The following ANO4 variants were observed in gnomAD, a reference collection of about 807,000 sequenced individuals.
The protein encoded by ANO4 is anoctamin-4.
ANO4 carries 69 observed loss-of-function variants against 141.9 expected under a neutral mutation model. That is an observed-to-expected ratio of 0.49 (90% CI 0.40 to 0.59). The LOEUF (loss-of-function observed/expected upper bound fraction) is 0.59. Ranked by LOEUF, ANO4 falls within the 20% of genes least tolerant of loss-of-function variation. The probability of loss-of-function intolerance (pLI) is 0.00; values close to 1 mark genes in which losing one functional copy is unlikely to be tolerated. For synonymous variants in ANO4, 350 were observed against 394.3 expected (o/e 0.89, Z 1.33); for missense variants, 894 against 1,162.2 (o/e 0.77, Z 3.36).
intron 1 of ANO4, among the ~76,000 whole-genome samples, chr12:100,722,135 G>A (rs940734813): frequency 1.3e-5 from 2 of 152,100 alleles, no homozygotes; most frequent in Non-Finnish European, 2.9e-5. Context: ...ATCAACTCCT[G>A]CTCCTAGCCA....
chr12:101,038,226 G>A (rs1239215984), intron 10 of ANO4, among the ~76,000 whole-genome samples: 1 of 152,198 alleles, frequency 6.6e-6, no homozygotes, highest in Non-Finnish European at 1.5e-5. Flanking sequence ...GCCATACGCA[G>A]GTGTTTCTGA....
chr12:100,983,560 A>ACTGAGATCTC, intron 7 of ANO4, among the ~76,000 whole-genome samples: 1 of 152,202 alleles, frequency 6.6e-6, no homozygotes, highest in Middle Eastern at 3.4e-3. Context: ...TAATCATAGG[A>ACTGAGATCTC]CTGAGATCTC....
intron 4 of ANO4, among the ~76,000 whole-genome samples, chr12:100,941,980 T>TTATTATTAG (rs1455438738): frequency 6.8e-6 from 1 of 148,120 alleles, no homozygotes; most frequent in African/African-American, 2.5e-5. Flanking sequence ...ATTATTATTA[T>TTATTATTAG]TATTATTATT....
chr12:100,994,221 G>T (rs1474534294), intron 8 of ANO4, among the ~76,000 whole-genome samples: 1 of 152,064 alleles, frequency 6.6e-6, no homozygotes, highest in African/African-American at 2.4e-5. Context: ...CACCCTTTAG[G>T]CAGGGCCACC....
intron 3 of ANO4, among the ~76,000 whole-genome samples, chr12:100,786,919 A>T (rs1212557138): frequency 6.6e-6 from 1 of 152,220 alleles, no homozygotes; most frequent in Non-Finnish European, 1.5e-5. Flanking sequence ...CTACAGATAT[A>T]CACTGAGGAT....
chr12:101,025,045 G>A (rs1462442136), intron 9 of ANO4, among the ~76,000 whole-genome samples: 1 of 152,128 alleles, frequency 6.6e-6, no homozygotes, highest in Admixed American at 6.5e-5. Flanking sequence ...CTCCTTTGAG[G>A]TGTATTTTAG....
At chr12:101,070,253 C>T (rs1236484884) in intron 14 of ANO4, among the ~76,000 whole-genome samples, 1 of 152,040 alleles carries the variant, frequency 6.6e-6, no homozygotes, top group Admixed American at 6.6e-5. Flanking sequence ...ATCACATTAC[C>T]TGACCTCAAA....
intron 1 of ANO4, chr12:100,885,534 C>T (rs1368961969): frequency 6.6e-6 from 1 of 152,248 alleles, no homozygotes; most frequent in African/African-American, 2.4e-5. Context: ...GCCTCATAAA[C>T]ATGACCTTTG....
chr12:101,060,876 T>A (rs1325386582), intron 14 of ANO4, among the ~76,000 whole-genome samples: 1 of 152,228 alleles, frequency 6.6e-6, no homozygotes, highest in Non-Finnish European at 1.5e-5. Context: ...TTAGCCCATT[T>A]ACATTTAAGG....
At chr12:100,803,870 T>C (rs1184380878) in intron 1 of ANO4, among the ~76,000 whole-genome samples, 1 of 152,222 alleles carries the variant, frequency 6.6e-6, no homozygotes, top group African/African-American at 2.4e-5. Context: ...GTTATTACCA[T>C]GACTTGTCTC....
chr12:100,896,528 TGACACAGAGCCCTGCC>T (rs1206543378), intron 1 of ANO4, among the ~76,000 whole-genome samples: 1 of 152,206 alleles, frequency 6.6e-6, no homozygotes, highest in Non-Finnish European at 1.5e-5. Flanking sequence ...CATACAGCAG[TGACACAGAGCCCTGCC>T]GACACCATGG....
At chr12:101,127,642 C>A (rs1461424103) in intron 27 of ANO4, among the ~76,000 whole-genome samples, 1 of 152,098 alleles carries the variant, frequency 6.6e-6, no homozygotes, top group Non-Finnish European at 1.5e-5. Context: ...TCTATTTCCC[C>A]AATAGTTGGC....
intron 26 of ANO4, among the ~76,000 whole-genome samples, chr12:101,124,244 T>G (rs1329295125): frequency 6.6e-6 from 1 of 152,208 alleles, no homozygotes; most frequent in African/African-American, 2.4e-5. Flanking sequence ...TTTCATATGT[T>G]TGTTGGCTGC....
intron 2 of ANO4, among the ~76,000 whole-genome samples, chr12:100,738,461 A>G (rs1189330492): frequency 6.6e-6 from 1 of 152,182 alleles, no homozygotes; most frequent in Non-Finnish European, 1.5e-5. Flanking sequence ...TTCAGAGTAA[A>G]TGATGTAGAA....
At chr12:100,916,863 AT>A (rs1407384438) in intron 2 of ANO4, among the ~76,000 whole-genome samples, 5 of 151,804 alleles carry the variant, frequency 3.3e-5, no homozygotes, top group Non-Finnish European at 5.9e-5. Flanking sequence ...TTTGAAACTC[AT>A]TTTTTTGTTG....
At chr12:100,930,203 A>G (rs1160747368) in intron 3 of ANO4, among the ~76,000 whole-genome samples, 1 of 151,938 alleles carries the variant, frequency 6.6e-6, no homozygotes, top group East Asian at 1.9e-4. Context: ...CCATTTGTCC[A>G]TTTTTGCTTT....
Position 100,784,103 on chromosome 12 carries a change from C to T in ANO4, c.358+43998C>T, listed in dbSNP as rs574262812. Among the ~76,000 whole-genome samples, 41 of 152,276 alleles carry T rather than the reference C, an allele frequency of 2.7e-4. 1 individual carries two copies. The highest frequency in any genetic ancestry group is 7.5e-4 in the African/African-American group (31 of 41,570). On this transcript the variant is annotated intron_variant, in intron 3 of 29. Coordinates refer to the ANO4 transcript ENST00000644049. ...GTATTTTGCTTAACCCCTTGTCTTCCGCCATCTGTTTCTGTCACTAGCAGT... is the reference window on the plus strand; with the variant it reads ...GTATTTTGCTTAACCCCTTGTCTTCTGCCATCTGTTTCTGTCACTAGCAGT...
chr12:100,845,973 C>T (rs1260850475), intron 1 of ANO4, among the ~76,000 whole-genome samples: 1 of 152,172 alleles, frequency 6.6e-6, no homozygotes, highest in East Asian at 1.9e-4. Context: ...TTTGGAGTAA[C>T]ACAGACCTGG....
chr12:100,858,790 T>C (rs2038318386), intron 1 of ANO4, among the ~76,000 whole-genome samples: 1 of 99,604 alleles, frequency 1.0e-5, no homozygotes, highest in African/African-American at 4.4e-5. Context: ...AAAACCACTC[T>C]ACCATCTGCC....
Sources: allele counts gnomAD v4.1 joint callset (sites outside exome capture counted in the v4.1 genomes callset), GRCh38; gene constraint gnomAD v4.1.1; transcripts MANE v1.5; gene names NCBI Gene and HGNC (gene_info 2026-07-23, HGNC 2026-07-21).